The following RNPC3 variants were observed in gnomAD, a reference collection of about 807,000 sequenced individuals.
RNPC3 encodes RNA binding region (RNP1, RRM) containing 3, also known as RNA-binding region-containing protein 3.
In RNPC3, 48 loss-of-function variants were observed where a neutral mutation model predicts 67.5. The observed-to-expected ratio is 0.71, with a 90% CI of 0.56 to 0.90. The LOEUF (loss-of-function observed/expected upper bound fraction) is 0.90. Ranked by LOEUF, RNPC3 falls within the 40% of genes least tolerant of loss-of-function variation. The pLI, the probability that RNPC3 is intolerant of heterozygous loss-of-function variation, is 0.00. For missense variants in RNPC3, 637 were observed against 626.1 expected (o/e 1.02, Z -0.19); for synonymous variants, 239 against 210.3 (o/e 1.14, Z -1.18).
At chr1:103,545,134 C>A in intron 10 of RNPC3, 32 bp downstream of exon 10, 1 of 1,496,142 alleles carries the variant, frequency 6.7e-7, no homozygotes, top group Non-Finnish European at 8.9e-7. Context: ...AGCACATATT[C>A]CATTTTACAT....
rs571003832 is a variant in RNPC3 at position 103,533,010 on chromosome 1, C to T, written c.241-729C>T. 3.9e-5 allele frequency among the ~76,000 whole-genome samples: 6 copies of T among 151,952 alleles called. No homozygotes were observed. In the South Asian group the frequency reaches 1.2e-3, roughly 32 times the overall value. On this transcript the variant is annotated intron_variant, in intron 2 of 14. Transcript: ENST00000423855. ...TGTTTTCATACTGATACGGATAATC[C>T]AATAGAGGACAGTAAATTAACAGTA...
At position 103,534,784 on chromosome 1, in the gene RNPC3, C is replaced by G; in HGVS notation, c.370C>G (p.Pro124Ala). The G allele has an allele frequency of 6.6e-7, 1 of 1,524,508 alleles. No individual in the cohort carries two copies. Among genetic ancestry groups the G allele is most frequent in the Non-Finnish European group, 8.8e-7 (1 of 1,139,334 alleles). 94.4% of individuals were successfully genotyped at this position (1,524,508 alleles called of 1,614,324 possible). ...GSEKKKRSDD[P>A]VEDDKEKKEL... ...TTCTGTATGTCCCAGGTCTGATGAC[C>G]CTGTCGAAGATGATAAAGAAAAAAA... The change falls in exon 4 of 15, where the codon CCT (proline) becomes GCT (alanine). Residue 124 changes from proline (P) to alanine (A), a missense_variant. Physicochemically the swap from Pro to Ala is conservative, Grantham distance 27. Transcript: ENST00000423855.
intron 14 of RNPC3, chr1:103,552,833 G>C (rs1422784758): frequency 6.6e-6 from 1 of 152,028 alleles, no homozygotes; most frequent in Non-Finnish European, 1.5e-5. Flanking sequence ...ATATGTGTTT[G>C]TGGAGTTAAA....
Position 103,535,292 on chromosome 1 carries a change from T to G in RNPC3, c.444-38T>G, listed in dbSNP as rs774536044. On this transcript the variant is annotated intron_variant, in intron 4 of 14. Transcript: ENST00000423855. ...AAAATGAGTTACTGATATGAAATTA[T>G]GAAAACATAAGCATCTTAAATGTTT... 4 of 1,335,300 alleles carry G rather than the reference T, an allele frequency of 3.0e-6. No individual in the cohort carries two copies. The East Asian group carries it at 1.0e-4, about 34-fold the overall frequency. 82.7% of individuals were successfully genotyped at this position (1,335,300 alleles called of 1,614,324 possible). A position where few individuals can be genotyped will look rare whatever the true frequency, so the allele number is the denominator to read the frequency against.
chr1:103,527,819 T>A, intron 2 of RNPC3, 77 bp downstream of exon 2: 1 of 1,092,476 alleles, frequency 9.2e-7, no homozygotes, highest in Non-Finnish European at 1.3e-6. Context: ...TGTTTAACTG[T>A]GGTTTTTAAG....
At position 103,543,294 on chromosome 1, in the gene RNPC3, A is replaced by G. The variant is rs1292326578; in HGVS notation, c.894-2A>G. 13 of 1,409,292 alleles carry G rather than the reference A, an allele frequency of 9.2e-6. No homozygotes were observed. Among genetic ancestry groups the G allele is most frequent in the Admixed American group, 3.3e-5 (1 of 30,212 alleles). 87.3% of individuals were successfully genotyped at this position (1,409,292 alleles called of 1,614,324 possible). ...ACTAATGCTATGATTGTTTTTAAAT[A>G]GCAGTTTACATCCAGTGCTGTTACC... is the stretch of plus-strand genomic sequence containing the variant. On this transcript the variant is annotated splice_acceptor_variant, in intron 8 of 14. Coordinates refer to ENST00000423855, the MANE Select transcript of RNPC3 (RefSeq NM_017619.4). LOFTEE classifies it high-confidence loss of function.
chr1:103,531,678 G>T (rs1650862693), intron 2 of RNPC3, among the ~76,000 whole-genome samples: 1 of 151,716 alleles, frequency 6.6e-6, no homozygotes, highest in African/African-American at 2.4e-5. Flanking sequence ...CTTAGCCCAT[G>T]GGATTGTTTT....
chr1:103,544,844 G>A (rs896036000), intron 9 of RNPC3, 97 bp from the exon 10 acceptor site: 1 of 650,006 alleles, frequency 1.5e-6, no homozygotes, highest in Non-Finnish European at 2.4e-6. Flanking sequence ...TTTAGTGCCA[G>A]AAGATATATT....
chr1:103,534,662 T>C, intron 3 of RNPC3, 112 bp from the exon 4 acceptor site: 2 of 644,352 alleles, frequency 3.1e-6, no homozygotes, highest in East Asian at 3.0e-5. Flanking sequence ...TTTTTTTTTT[T>C]TTAATGAAGC....
chr1:103,536,236 C>T lies in RNPC3; in HGVS notation c.624+42C>T, dbSNP rs1004130407. The stretch of plus-strand genomic sequence containing the variant: ...AATTTTCAAGTCAAAATTTCTCTTC[C>T]TGAATGGGATTATTGAGGCTGAATT... On this transcript the variant is annotated intron_variant, in intron 6 of 14. Coordinates refer to ENST00000423855, the MANE Select transcript of RNPC3 (RefSeq NM_017619.4). The T allele has an allele frequency of 2.6e-5, 37 of 1,404,064 alleles. No homozygotes were observed. In the Middle Eastern group the frequency reaches 5.3e-4, roughly 20 times the overall value. 87.0% of individuals were successfully genotyped at this position (1,404,064 alleles called of 1,614,324 possible). A position where few individuals can be genotyped will look rare whatever the true frequency, so the allele number is the denominator to read the frequency against.
intron 2 of RNPC3, among the ~76,000 whole-genome samples, chr1:103,529,736 T>C (rs951011553): frequency 6.6e-5 from 10 of 152,164 alleles, no homozygotes; most frequent in Non-Finnish European, 1.5e-4. Flanking sequence ...CATTTTAAAA[T>C]TAACTTTGTA....
In RNPC3 at chr1:103,545,096, A is replaced by G. The variant is rs1651213009; in HGVS notation, c.1201A>G (p.Arg401Gly). The change falls in exon 10 of 15, where the codon AGA becomes GGA. Residue 401 changes from arginine (R) to glycine (G), a missense_variant. Transcript: ENST00000423855. ...GGAATTGGAAAAGGGCAGAATTTCTAGAGAAGGTAATGTCACGAAATAAAC... is the reference window on the plus strand; with the variant it reads ...GGAATTGGAAAAGGGCAGAATTTCTGGAGAAGGTAATGTCACGAAATAAAC... Reference protein sequence around the residue: ...RRELEKGRISREEMETLSVFR... With the variant: ...RRELEKGRISGEEMETLSVFR... The G allele has an allele frequency of 4.6e-6, 7 of 1,531,528 alleles. No homozygotes were observed. In the Admixed American group the frequency reaches 8.0e-5, roughly 17 times the overall value. 94.9% of individuals were successfully genotyped at this position (1,531,528 alleles called of 1,614,324 possible). A position where few individuals can be genotyped will look rare whatever the true frequency, so the allele number is the denominator to read the frequency against.
In RNPC3 at chr1:103,538,037, G is replaced by A. The variant is rs191870258; in HGVS notation, c.767+553G>A. ...TTTTTGTATTTTTGGTAGAGATGGG[G>A]TTTCTCCATGTTGGTCAGGCTGGTC... On this transcript the variant is annotated intron_variant, in intron 7 of 14. Coordinates refer to ENST00000423855, the MANE Select transcript of RNPC3 (RefSeq NM_017619.4). 1.3e-4 allele frequency among the ~76,000 whole-genome samples: 20 copies of A among 152,024 alleles called. No individual in the cohort carries two copies. The East Asian group carries it at 3.9e-3, about 29-fold the overall frequency.
chr1:103,543,442 A>G lies in RNPC3; in HGVS notation c.1040A>G (p.Asn347Ser). 1 of 1,505,882 alleles carries G rather than the reference A, an allele frequency of 6.6e-7. No homozygotes were observed. Among genetic ancestry groups the G allele is most frequent in the East Asian group, 2.6e-5 (1 of 39,104 alleles). The allele number at this position is 1,505,882 out of a possible 1,614,324, so 93.3% of individuals were successfully genotyped here. Reference protein sequence around the residue: ...LEKEQNCEEKNHDLPATEVDA... With the variant: ...LEKEQNCEEKSHDLPATEVDA... ...AAGGAACAAAATTGTGAGGAAAAAA[A>G]TCATGGTAAGGATATTCTAGTTATT... Residue 347 changes from asparagine (N) to serine (S), a missense_variant, in exon 9 of 15, where the codon AAT becomes AGT. This residue lies in a region of RNPC3 where 536 missense variants were observed against 500.3 expected (regional missense o/e 1.07). Transcript: ENST00000423855.
intron 9 of RNPC3, 30 bp from the exon 10 acceptor site, chr1:103,544,911 T>G (rs1446832817): frequency 7.1e-7 from 1 of 1,414,756 alleles, no homozygotes; most frequent in African/African-American, 1.5e-5. Context: ...GAGAGATTCT[T>G]AATGGTTAAT....
Position 103,548,303 on chromosome 1 carries a change from T to C in RNPC3, c.1361+1268T>C, listed in dbSNP as rs530779430. Among the ~76,000 whole-genome samples, 7 of 152,304 alleles carry C rather than the reference T, an allele frequency of 4.6e-5. No homozygotes were observed. In the East Asian group the frequency reaches 1.3e-3, roughly 29 times the overall value. On this transcript the variant is annotated intron_variant, in intron 12 of 14. Transcript: ENST00000423855. ...GTCAGACTGCAAATTTTCCGAACTT[T>C]TATGCTGTGTTTCCTTTTAAAACTG...
rs1240700787 is a variant in RNPC3 at position 103,537,473 on chromosome 1, G to A, written c.756G>A (p.Glu252=). The A allele has an allele frequency of 3.9e-6, 6 of 1,534,868 alleles. No individual in the cohort carries two copies. The highest frequency in any genetic ancestry group is 5.2e-6 in the Non-Finnish European group (6 of 1,146,072). ...EESEYESTDD[E]DRQRMNKLME... ...CAGAATATGAAAGCACTGATGATGAGGACCGACAGAGGTTTGTAACATGAA... is the reference window on the plus strand; with the variant it reads ...CAGAATATGAAAGCACTGATGATGAAGACCGACAGAGGTTTGTAACATGAA... Residue 252 remains glutamate, a synonymous_variant, in exon 7 of 15, where the codon GAG becomes GAA. Coordinates refer to ENST00000423855, the MANE Select transcript of RNPC3 (RefSeq NM_017619.4).
At position 103,541,490 on chromosome 1, in the gene RNPC3, A is replaced by G; in HGVS notation, c.893+15A>G. Reference sequence around the variant, plus strand: ...CCTTCACACAGGTAATTTTATTTGAACTAAGAAATGAGGGTTGTCTGTATG... The same window carrying G: ...CCTTCACACAGGTAATTTTATTTGAGCTAAGAAATGAGGGTTGTCTGTATG... On this transcript the variant is annotated intron_variant, in intron 8 of 14. Transcript: ENST00000423855. 1 of 1,477,040 alleles carries G rather than the reference A, an allele frequency of 6.8e-7. No homozygotes were observed. The highest frequency in any genetic ancestry group is 8.9e-7 in the Non-Finnish European group (1 of 1,124,028). 91.5% of individuals were successfully genotyped at this position (1,477,040 alleles called of 1,614,324 possible).
At chr1:103,533,346 T>C (rs1055174035) in intron 2 of RNPC3, among the ~76,000 whole-genome samples, 2 of 152,008 alleles carry the variant, frequency 1.3e-5, no homozygotes, top group Non-Finnish European at 1.5e-5. Context: ...CAAAATACTC[T>C]CTGAGATATA....
Sources: allele counts gnomAD v4.1 joint callset (sites outside exome capture counted in the v4.1 genomes callset), GRCh38; gene constraint gnomAD v4.1.1; regional missense constraint gnomAD v4.1.1; transcripts MANE v1.5; gene names NCBI Gene and HGNC (gene_info 2026-07-23, HGNC 2026-07-21).